Variants in DMTN observed in about 807,000 individuals in gnomAD.
The protein encoded by DMTN is dematin actin binding protein, also known as dematin.
In DMTN, 27 loss-of-function variants were observed where a neutral mutation model predicts 59.4. The ratio of observed to expected loss-of-function variants is 0.45; its 90% CI spans 0.33 to 0.63. DMTN has a LOEUF of 0.63. DMTN is among the 20% of genes least tolerant of loss of function. DMTN has a pLI of 0.02. For synonymous variants in DMTN, 221 were observed against 203.7 expected, an observed-to-expected ratio of 1.08 and a Z score of -0.72; for missense variants, 451 against 528.9, an observed-to-expected ratio of 0.85 and a Z score of 1.45.
At chr8:22,069,290 A>C in intron 5 of DMTN, 129 bp from the exon 6 acceptor site, 1 of 920,754 alleles carries the variant, frequency 1.1e-6, no homozygotes, top group Non-Finnish European at 1.6e-6. Flanking sequence ...GTGCCACAAC[A>C]TTGCCCTGGG....
intron 6 of DMTN, 134 bp downstream of exon 6, chr8:22,069,652 A>G: frequency 1.1e-6 from 1 of 903,564 alleles, no homozygotes; most frequent in Non-Finnish European, 1.7e-6. Context: ...GGAGGCCAGG[A>G]CCCCTCCCAG....
Position 22,070,195 on chromosome 8 carries a change from C to T in DMTN, c.465C>T (p.Gly155=). The T allele has an allele frequency of 6.3e-7, 1 of 1,593,598 alleles. No individual in the cohort carries two copies. Among genetic ancestry groups the T allele is most frequent in the Non-Finnish European group, 8.6e-7 (1 of 1,168,764 alleles). ...PIYKQRESVG[G]SPQTKHLIED... ...CTTTGTCTGCAGAGTCCGTGGGAGG[C>T]AGCCCTCAGACCAAGCACCTCATCG... is the stretch of plus-strand genomic sequence containing the variant. The change falls in exon 8 of 16, where the codon GGC becomes GGT. Residue 155 remains glycine (G), a synonymous_variant. Coordinates refer to ENST00000358242, the MANE Select transcript of DMTN (RefSeq NM_001387751.1).
chr8:22,080,284 A>G (rs1563546267), intron 11 of DMTN, 40 bp downstream of exon 11: 1 of 1,613,910 alleles, frequency 6.2e-7, no homozygotes. Flanking sequence ...ACGTGGGAGG[A>G]ACGTGCATGT....
intron 1 of DMTN, among the ~76,000 whole-genome samples, chr8:22,062,266 A>T (rs1202957652): frequency 1.3e-5 from 2 of 151,912 alleles, no homozygotes; most frequent in Non-Finnish European, 2.9e-5. Context: ...ATTAAAAAAA[A>T]AAAAATTCCT....
chr8:22,070,306 G>C lies in DMTN; in HGVS notation c.576G>C (p.Trp192Cys). 6.2e-7 allele frequency: 1 copy of C among 1,612,078 alleles called. No homozygotes were observed. The highest frequency in any genetic ancestry group is 8.5e-7 in the Non-Finnish European group (1 of 1,178,970). The change falls in exon 8 of 16, where the codon TGG (tryptophan) becomes TGC (cysteine). Residue 192 changes from tryptophan (W) to cysteine (C), a missense_variant. Trp to Cys is a radical substitution (Grantham distance 215). Coordinates refer to ENST00000358242, the MANE Select transcript of DMTN (RefSeq NM_001387751.1). ...CAGCCAAAATCGAAACCGACTACTG[G>C]CCATGCCCCCCGTCTCTGGCTGTTG... ...NQPAKIETDY[W>C]PCPPSLAVVE...
At position 22,066,767 on chromosome 8, in the gene DMTN, C is replaced by A; in HGVS notation, c.-109C>A. On this transcript the variant is annotated 5_prime_UTR_variant, in exon 2 of 16. It introduces an in-frame stop codon into an upstream open reading frame of the 5' UTR. Coordinates refer to ENST00000358242, the MANE Select transcript of DMTN (RefSeq NM_001387751.1). The stretch of plus-strand genomic sequence containing the variant: ...CCCGGGGGAACGCGCCAGCTGCTTT[C>A]GCGGCCCCAAGCGCGCAGCGCCCAG... 1 of 1,255,654 alleles carries A rather than the reference C, an allele frequency of 8.0e-7. No individual in the cohort carries two copies. The highest frequency in any genetic ancestry group is 1.0e-6 in the Non-Finnish European group (1 of 966,092). 77.8% of individuals were successfully genotyped at this position (1,255,654 alleles called of 1,614,324 possible).
In DMTN at chr8:22,067,172, C is replaced by G; in HGVS notation, c.93+13C>G. On this transcript the variant is annotated intron_variant, in intron 3 of 15. Transcript: ENST00000358242. The stretch of plus-strand genomic sequence containing the variant: ...CTCCAGCATCGTGGTGAGTACCCCT[C>G]TCGGCCACCAGCAACCCCTGGCTGG... The G allele has an allele frequency of 6.2e-7, 1 of 1,609,250 alleles. No homozygotes were observed. The highest frequency in any genetic ancestry group is 8.5e-7 in the Non-Finnish European group (1 of 1,178,162).
At chr8:22,050,787 C>CCCTGGCTG (rs1055284222), upstream of DMTN, among the ~76,000 whole-genome samples, 1 of 152,144 alleles carries the variant, frequency 6.6e-6, no homozygotes, top group African/African-American at 2.4e-5. Flanking sequence ...GTCCCTGGGT[C>CCCTGGCTG]CCTGGCTGGT....
chr8:22,058,547 GATGC>G lies in DMTN; in HGVS notation c.-172+1412_-172+1415del, dbSNP rs1716396184. Among the ~76,000 whole-genome samples, 1 of 152,222 alleles carries G rather than the reference GATGC, an allele frequency of 6.6e-6. No individual in the cohort carries two copies. The highest frequency in any genetic ancestry group is 1.5e-5 in the Non-Finnish European group (1 of 68,020). On this transcript the variant is annotated intron_variant, in intron 1 of 15. Coordinates refer to ENST00000358242, the MANE Select transcript of DMTN (RefSeq NM_001387751.1). The surrounding 1 kb of genome is among the most constrained non-coding windows in gnomAD (Gnocchi z 4.3). ...AGACCTAGGAGAAGATGGCTGCACA[GATGC>G]GTCTCTGGGTGGGCTAGAGAGGCAG...
chr8:22,052,585 T>C (rs1224821584), upstream of DMTN, among the ~76,000 whole-genome samples: 1 of 152,216 alleles, frequency 6.6e-6, no homozygotes, highest in Non-Finnish European at 1.5e-5. Context: ...CACTTGAAAT[T>C]TAATTGGAGG....
chr8:22,068,314 A>C (rs954813360), intron 4 of DMTN, among the ~76,000 whole-genome samples: 1 of 152,178 alleles, frequency 6.6e-6, no homozygotes, highest in Non-Finnish European at 1.5e-5. Flanking sequence ...GGTGGCTCAC[A>C]CCTATAATCC....
chr8:22,080,559 G>T, intron 12 of DMTN, 59 bp from the exon 13 acceptor site: 1 of 1,613,544 alleles, frequency 6.2e-7, no homozygotes, highest in Non-Finnish European at 8.5e-7. Flanking sequence ...GGTGAGGTCA[G>T]GCGTGTTGGC....
chr8:22,069,046 C>A lies in DMTN; in HGVS notation c.280C>A (p.Pro94Thr), dbSNP rs1439252436. ...RSLSPKSTSP[P>T]PSPEVWADSR... ...GCTGTCACCCAAATCCACATCCCCC[C>A]CACCATCCCCAGAGGTGAGTCTGCC... The change falls in exon 5 of 16, where the codon CCA (proline) becomes ACA (threonine). Residue 94 changes from proline to threonine, a missense_variant. By Grantham distance (38) the Pro-to-Thr change is conservative. Coordinates refer to ENST00000358242, the MANE Select transcript of DMTN (RefSeq NM_001387751.1). The A allele has an allele frequency of 3.1e-6, 5 of 1,612,506 alleles. No homozygotes were observed. The Admixed American group carries it at 6.7e-5, about 22-fold the overall frequency.
rs1219719755 is a variant in DMTN at position 22,080,478 on chromosome 8, G to T, written c.949+18G>T. 11 of 1,614,262 alleles carry T rather than the reference G, an allele frequency of 6.8e-6. No homozygotes were observed. The highest frequency in any genetic ancestry group is 1.7e-5 in the Admixed American group (1 of 60,036). On this transcript the variant is annotated intron_variant, in intron 12 of 15. Transcript: ENST00000358242. ...AAGCCCAGGTGAGAAGTGGGGCCTGGTGCCGGGGTCTGGAGAAGGGGCTTA... is the reference window on the plus strand; with the variant it reads ...AAGCCCAGGTGAGAAGTGGGGCCTGTTGCCGGGGTCTGGAGAAGGGGCTTA...
rs764833188 is a variant in DMTN, at chr8:22,067,103, G to T, written c.37G>T (p.Gly13Trp). 60 of 1,351,044 alleles carry T rather than the reference G, an allele frequency of 4.4e-5. No individual in the cohort carries two copies. The highest frequency in any genetic ancestry group is 5.7e-5 in the Non-Finnish European group (58 of 1,022,464). 83.7% of individuals were successfully genotyped at this position (1,351,044 alleles called of 1,614,324 possible). Residue 13 changes from glycine to tryptophan, a missense_variant, in exon 3 of 16, where the codon GGG becomes TGG. By Grantham distance (184) the Gly-to-Trp change is radical. Coordinates refer to ENST00000358242, the MANE Select transcript of DMTN (RefSeq NM_001387751.1). ...RLQKQPLTSPGSVSPSRDSSV... is the reference protein window; with the variant it reads ...RLQKQPLTSPWSVSPSRDSSV... ...TCCCCAGCAACCACTTACCTCCCCCGGGAGCGTGAGCCCCTCCCGAGATTC... is the reference window on the plus strand; with the variant it reads ...TCCCCAGCAACCACTTACCTCCCCCTGGAGCGTGAGCCCCTCCCGAGATTC...
At chr8:22,061,561 T>G (rs890446672) in intron 1 of DMTN, among the ~76,000 whole-genome samples, 2 of 152,070 alleles carry the variant, frequency 1.3e-5, no homozygotes, top group African/African-American at 4.8e-5. Context: ...ATAGCCACTT[T>G]CACACTCTGT....
Position 22,069,908 on chromosome 8 carries a change from A to G in DMTN, c.422A>G (p.Tyr141Cys). Residue 141 changes from tyrosine (Y) to cysteine (C), a missense_variant, in exon 7 of 16, where the codon TAC becomes TGC. Transcript: ENST00000358242. ...PETSRPDSNI[Y>C]KKPPIYKQRE... ...ACCTCCCGCCCAGATTCCAACATCT[A>G]CAAGAAGCCTCCCATCTATAAGCAG... 1.2e-6 allele frequency: 2 copies of G among 1,613,992 alleles called. No homozygotes were observed. The highest frequency in any genetic ancestry group is 1.7e-6 in the Non-Finnish European group (2 of 1,179,974).
chr8:22,050,033 G>A (rs1801185344), upstream of DMTN, among the ~76,000 whole-genome samples: 3 of 152,138 alleles, frequency 2.0e-5, no homozygotes, highest in Admixed American at 1.3e-4. Context: ...GGAGGTCCCC[G>A]GCCCTGGGAC....
chr8:22,080,104 G>A, intron 10 of DMTN, 76 bp from the exon 11 acceptor site: 2 of 1,554,314 alleles, frequency 1.3e-6, no homozygotes, highest in Middle Eastern at 1.7e-4. Flanking sequence ...GCTGTGGAAG[G>A]CCAGTGAGGT....
Sources: allele counts gnomAD v4.1 joint callset (sites outside exome capture counted in the v4.1 genomes callset), GRCh38; gene constraint gnomAD v4.1.1; non-coding constraint Gnocchi (gnomAD v3.1); transcripts MANE v1.5; gene names NCBI Gene and HGNC (gene_info 2026-07-23, HGNC 2026-07-21).